ZEB1: variants seen among roughly 807,000 people sequenced by gnomAD.
ZEB1 encodes zinc finger E-box-binding homeobox 1.
A neutral mutation model predicts 84.9 loss-of-function variants in ZEB1; 21 were observed. The ratio of observed to expected loss-of-function variants is 0.25; its 90% CI spans 0.18 to 0.36. The LOEUF is 0.36. Ranked by LOEUF, ZEB1 falls within the 10% of genes least tolerant of loss-of-function variation. The pLI is 1.00. For synonymous variants in ZEB1, 420 were observed against 471.1 expected (o/e 0.89, Z 1.41); for missense variants, 1,104 against 1,330.2 (o/e 0.83, Z 2.65).
chr10:31,422,986 G>T (rs1016421148), intron 1 of ZEB1, among the ~76,000 whole-genome samples: 1 of 151,882 alleles, frequency 6.6e-6, no homozygotes, highest in Non-Finnish European at 1.5e-5. Flanking sequence ...CCATGCTGCC[G>T]CAAAGGACAT....
chr10:31,365,241 A>G (rs938631927), intron 1 of ZEB1, among the ~76,000 whole-genome samples: 4 of 152,220 alleles, frequency 2.6e-5, no homozygotes, highest in African/African-American at 9.6e-5. Flanking sequence ...AAATATGACA[A>G]ACATAATTTG....
intron 1 of ZEB1, among the ~76,000 whole-genome samples, chr10:31,372,314 T>C (rs561335179): frequency 6.6e-6 from 1 of 152,180 alleles, no homozygotes; most frequent in Non-Finnish European, 1.5e-5. Flanking sequence ...CACTGAGATA[T>C]ATCTTAACAT....
At chr10:31,340,509 A>G (rs1019232241) in intron 1 of ZEB1, among the ~76,000 whole-genome samples, 8 of 152,146 alleles carry the variant, frequency 5.3e-5, no homozygotes, top group African/African-American at 1.9e-4. Flanking sequence ...AGTTTTATGT[A>G]ACTTTACAAT....
chr10:31,319,145 AGGGGGGAGGGGTGGAGGCGGAGGGGT>A, upstream of ZEB1: 1 of 296,356 alleles, frequency 3.4e-6, no homozygotes, highest in Non-Finnish European at 5.4e-6. Context: ...TGCGGTGGGG[AGGGGGGAGGGGTGGAGGCGGAGGGGT>A]GGGGGGGAAG....
intron 1 of ZEB1, among the ~76,000 whole-genome samples, chr10:31,450,082 A>C (rs1038987397): frequency 2.6e-5 from 4 of 152,202 alleles, no homozygotes; most frequent in South Asian, 2.1e-4. Flanking sequence ...GATCTAAGTC[A>C]TTTAGATTTA....
intron 5 of ZEB1, among the ~76,000 whole-genome samples, chr10:31,513,729 G>T (rs576457126): frequency 1.3e-5 from 2 of 152,280 alleles, no homozygotes; most frequent in South Asian, 4.1e-4. Context: ...AAGAAATTAT[G>T]TAAACCAAAG....
At chr10:31,334,266 A>G (rs182667851) in intron 1 of ZEB1, among the ~76,000 whole-genome samples, 161 of 152,254 alleles carry the variant, frequency 1.1e-3, no homozygotes, top group Middle Eastern at 3.4e-3. Flanking sequence ...CTGGTCAAAT[A>G]CAGCCAGCTT....
chr10:31,371,276 T>C (rs926543761), intron 1 of ZEB1, among the ~76,000 whole-genome samples: 4 of 152,088 alleles, frequency 2.6e-5, no homozygotes, highest in Admixed American at 6.6e-5. Flanking sequence ...TTGGGAAGAG[T>C]TGAAATGAGC....
intron 1 of ZEB1, among the ~76,000 whole-genome samples, chr10:31,429,986 C>T (rs960303365): frequency 4.6e-5 from 7 of 152,194 alleles, no homozygotes; most frequent in Non-Finnish European, 1.0e-4. Flanking sequence ...GGTGATCCAC[C>T]CGCCTTGGCC....
In ZEB1 at chr10:31,466,818, A is replaced by G. The variant is rs567659614; in HGVS notation, c.259+5581A>G. Among the ~76,000 whole-genome samples, 4 of 152,360 alleles carry G rather than the reference A, an allele frequency of 2.6e-5. No individual in the cohort carries two copies. In the East Asian group the frequency reaches 7.7e-4, roughly 29 times the overall value. On this transcript the variant is annotated intron_variant, in intron 2 of 8. Transcript: ENST00000424869. ...ACAATACAAAAGATCAACAAAACTGAGTTAGTTTTTTGAGAAGATAAAATC... is the reference window on the plus strand; with the variant it reads ...ACAATACAAAAGATCAACAAAACTGGGTTAGTTTTTTGAGAAGATAAAATC...
At chr10:31,397,480 C>G (rs2051022643) in intron 1 of ZEB1, among the ~76,000 whole-genome samples, 1 of 151,924 alleles carries the variant, frequency 6.6e-6, no homozygotes, top group South Asian at 2.1e-4. Context: ...AGTAGAAATT[C>G]CTTCCTATTT....
intron 1 of ZEB1, among the ~76,000 whole-genome samples, chr10:31,339,373 G>C (rs2038897428): frequency 6.6e-6 from 1 of 152,142 alleles, no homozygotes; most frequent in Admixed American, 6.5e-5. Context: ...CTGAGAGAGA[G>C]TATTTCCTGT....
At chr10:31,498,142 T>C (rs1247863846) in intron 3 of ZEB1, among the ~76,000 whole-genome samples, 1 of 152,072 alleles carries the variant, frequency 6.6e-6, no homozygotes, top group African/African-American at 2.4e-5. Flanking sequence ...AATATATAAG[T>C]TTATCATCTA....
chr10:31,489,554 C>T (rs2066217673), intron 2 of ZEB1, among the ~76,000 whole-genome samples: 2 of 150,988 alleles, frequency 1.3e-5, no homozygotes, highest in African/African-American at 4.8e-5. Flanking sequence ...CTCTTCTGGT[C>T]CTCTTTTTCT....
chr10:31,415,513 A>G (rs1235889612), intron 1 of ZEB1, among the ~76,000 whole-genome samples: 1 of 151,644 alleles, frequency 6.6e-6, no homozygotes, highest in Non-Finnish European at 1.5e-5. Context: ...ATTCTTCTAT[A>G]CTTTTAAAAA....
intron 1 of ZEB1, among the ~76,000 whole-genome samples, chr10:31,448,205 T>G (rs377283800): frequency 7.6e-6 from 1 of 131,786 alleles, no homozygotes; most frequent in Non-Finnish European, 1.6e-5. Flanking sequence ...TTGATCGCAT[T>G]GGCTCCTGAG....
At chr10:31,502,640 A>G in intron 4 of ZEB1, 131 bp downstream of exon 4, 1 of 1,077,880 alleles carries the variant, frequency 9.3e-7, no homozygotes, top group Non-Finnish European at 1.4e-6. Flanking sequence ...GTGCCTATAG[A>G]GAGTAATCTG....
intron 2 of ZEB1, among the ~76,000 whole-genome samples, chr10:31,468,549 A>T (rs2062734781): frequency 6.6e-6 from 1 of 152,172 alleles, no homozygotes; most frequent in Middle Eastern, 3.4e-3. Flanking sequence ...CCCCCAAAAG[A>T]CCTCCAACTT....
At position 31,386,575 on chromosome 10, in the gene ZEB1, C is replaced by G. The variant is rs190967094; in HGVS notation, c.58+67283C>G. Among the ~76,000 whole-genome samples the G allele has an allele frequency of 9.1e-3, 1,389 of 152,118 alleles. 13 individuals are homozygous for G. Among genetic ancestry groups the G allele is most frequent in the African/African-American group, 0.031 (1,299 of 41,528 alleles). On this transcript the variant is annotated intron_variant, in intron 1 of 8. Transcript: ENST00000424869. ...TAATCAGTGTGTCAAAAAACAAAAC[C>G]AAAATTCCTTTCCTCATGGAGTTTT...
Sources: gnomAD v4.1 joint callset for allele counts (sites outside exome capture counted in the v4.1 genomes callset) on GRCh38, gnomAD v4.1.1 for gene constraint, MANE v1.5 for transcripts, NCBI Gene and HGNC (gene_info 2026-07-23, HGNC 2026-07-21) for gene names.